Variants in GPR107 observed in about 807,000 individuals in gnomAD.
GPR107 encodes protein GPR107.
In GPR107, 31 loss-of-function variants were observed where a neutral mutation model predicts 75.5. The observed-to-expected ratio is 0.41, with a 90% CI of 0.31 to 0.55. The LOEUF is 0.55. GPR107 is among the 20% of genes least tolerant of loss of function. The probability of loss-of-function intolerance (pLI) is 0.26; values close to 1 mark genes in which losing one functional copy is unlikely to be tolerated. For missense variants in GPR107, 572 were observed against 665.7 expected, an observed-to-expected ratio of 0.86 and a Z score of 1.55; for synonymous variants, 267 against 251.3, an observed-to-expected ratio of 1.06 and a Z score of -0.59.
intron 13 of GPR107, among the ~76,000 whole-genome samples, chr9:130,107,140 G>C (rs1274269645): frequency 6.6e-6 from 1 of 152,132 alleles, no homozygotes; most frequent in African/African-American, 2.4e-5. Flanking sequence ...ATTCTCTCCT[G>C]GTGGCAGGTG....
rs1830329281 is a variant in GPR107 at position 130,075,737 on chromosome 9, CAAGGATGTGACTGT to C, written c.247_255+5del. The C allele has an allele frequency of 6.7e-7, 1 of 1,503,228 alleles. No individual in the cohort carries two copies. Among genetic ancestry groups the C allele is most frequent in the African/African-American group, 1.4e-5 (1 of 72,556 alleles). 93.1% of individuals were successfully genotyped at this position (1,503,228 alleles called of 1,614,324 possible). A position where few individuals can be genotyped will look rare whatever the true frequency, so the allele number is the denominator to read the frequency against. On this transcript the variant is annotated splice_donor_variant and coding_sequence_variant, in exon 2 of 18. Coordinates refer to ENST00000347136, the MANE Select transcript of GPR107 (RefSeq NM_020960.5). LOFTEE classifies it high-confidence loss of function. ...GCCTCTCACTGAATGAGCCTGAAGACAAGGATGTGACTGTAAGTACCTTTTAATGAGATCCAGGG... is the reference window on the plus strand; with the variant it reads ...GCCTCTCACTGAATGAGCCTGAAGACAAGTACCTTTTAATGAGATCCAGGG...
intron 7 of GPR107, among the ~76,000 whole-genome samples, chr9:130,089,329 G>A (rs189044846): frequency 3.9e-5 from 6 of 152,274 alleles, no homozygotes; most frequent in Admixed American, 2.6e-4. Context: ...CAGCCCATCC[G>A]CAGGGTTCTT....
chr9:130,112,340 T>TC lies in GPR107; in HGVS notation c.1306+4803dup, dbSNP rs1341296084. 6.6e-6 allele frequency among the ~76,000 whole-genome samples: 1 copy of TC among 151,898 alleles called. No homozygotes were observed. Among genetic ancestry groups the TC allele is most frequent in the Non-Finnish European group, 1.5e-5 (1 of 68,000 alleles). ...GTTAGGGCAGCGGTTCTCAAGGGGG[T>TC]CCTCGGGATCAAAACTATTTTCATA... On this transcript the variant is annotated intron_variant, in intron 14 of 17. Transcript: ENST00000347136. The surrounding 1 kb of genome is among the most constrained non-coding windows in gnomAD (Gnocchi z 4.0).
intron 14 of GPR107, among the ~76,000 whole-genome samples, chr9:130,118,253 C>T (rs1390632226): frequency 2.6e-5 from 4 of 152,192 alleles, no homozygotes; most frequent in African/African-American, 9.7e-5. Flanking sequence ...CAGTTGATGG[C>T]AACGACCAGT....
chr9:130,112,007 G>T lies in GPR107; in HGVS notation c.1306+4468G>T, dbSNP rs1831317145. On this transcript the variant is annotated intron_variant, in intron 14 of 17. Transcript: ENST00000347136. This position sits in a 1 kb window ranked among gnomAD's most constrained non-coding sequence, Gnocchi z 4.0. ...TCTGTCTCGCCTGCTAAGATTTACTGGCTCTGACTGCCCTTGAGCCCGCAT... is the reference window on the plus strand; with the variant it reads ...TCTGTCTCGCCTGCTAAGATTTACTTGCTCTGACTGCCCTTGAGCCCGCAT... Among the ~76,000 whole-genome samples, 1 of 152,076 alleles carries T rather than the reference G, an allele frequency of 6.6e-6. No individual in the cohort carries two copies. Among genetic ancestry groups the T allele is most frequent in the African/African-American group, 2.4e-5 (1 of 41,394 alleles).
At chr9:130,096,897 G>A (rs1830887559) in intron 9 of GPR107, among the ~76,000 whole-genome samples, 1 of 152,174 alleles carries the variant, frequency 6.6e-6, no homozygotes, top group African/African-American at 2.4e-5. Context: ...CTAGCCATGT[G>A]GCTGAGTGTG....
rs575103799 is a variant in GPR107 at position 130,136,547 on chromosome 9, G to A, written c.*1426G>A. On this transcript the variant is annotated 3_prime_UTR_variant, in exon 18 of 18. Coordinates refer to ENST00000347136, the MANE Select transcript of GPR107 (RefSeq NM_020960.5). Reference sequence around the variant, plus strand: ...ACAGGTACCTCCGAGGGTGAGAGTCGTGGTCTCTGGGAGTTGTTTTCTCAC... The same window carrying A: ...ACAGGTACCTCCGAGGGTGAGAGTCATGGTCTCTGGGAGTTGTTTTCTCAC... The A allele has an allele frequency of 1.3e-5, 2 of 152,286 alleles. No homozygotes were observed. The highest frequency in any genetic ancestry group is 4.8e-5 in the African/African-American group (2 of 41,558). The allele number at this position is 152,286 out of a possible 1,614,324, so 9.4% of individuals were successfully genotyped here. A position where few individuals can be genotyped will look rare whatever the true frequency, so the allele number is the denominator to read the frequency against.
Position 130,127,540 on chromosome 9 carries a change from C to G in GPR107, c.1414C>G (p.Pro472Ala), listed in dbSNP as rs776706442. Residue 472 changes from proline (P) to alanine (A), a missense_variant, in exon 16 of 18, where the codon CCA becomes GCA. Transcript: ENST00000347136. ...TGCATTTCTCCTCAAACTCGCTGTT[C>G]CATTCCAGTGGAAGTGGCTCTACCA... ...IIAFLLKLAV[P>A]FQWKWLYQLL... is the part of the protein sequence containing the mutation. 5 of 1,598,960 alleles carry G rather than the reference C, an allele frequency of 3.1e-6. No individual in the cohort carries two copies. Among genetic ancestry groups the G allele is most frequent in the Non-Finnish European group, 4.3e-6 (5 of 1,166,120 alleles).
At chr9:130,133,536 C>T (rs1285759154) in intron 17 of GPR107, among the ~76,000 whole-genome samples, 2 of 152,144 alleles carry the variant, frequency 1.3e-5, no homozygotes, top group African/African-American at 4.8e-5. Flanking sequence ...ATGCAAAGGC[C>T]CTACCTCCTG....
chr9:130,073,976 C>T (rs903287635), intron 1 of GPR107, among the ~76,000 whole-genome samples: 2 of 152,126 alleles, frequency 1.3e-5, no homozygotes, highest in Admixed American at 6.6e-5. Context: ...AGGCTGGTCT[C>T]GAACTCCTGA....
At chr9:130,130,254 C>T (rs112858292) in intron 17 of GPR107, among the ~76,000 whole-genome samples, 13 of 152,214 alleles carry the variant, frequency 8.5e-5, no homozygotes, top group Non-Finnish European at 1.8e-4. Context: ...TAAAAAGTAT[C>T]GGATGCGATT....
chr9:130,096,549 A>C (rs1465027153), intron 9 of GPR107, among the ~76,000 whole-genome samples: 1 of 148,216 alleles, frequency 6.7e-6, no homozygotes, highest in Non-Finnish European at 1.5e-5. Flanking sequence ...GCTCACTGCA[A>C]CCTCCGCCTC....
intron 14 of GPR107, among the ~76,000 whole-genome samples, chr9:130,109,218 TAGAATGC>T (rs1831235645): frequency 6.6e-6 from 1 of 152,114 alleles, no homozygotes; most frequent in South Asian, 2.1e-4. Flanking sequence ...TCACCCAAGC[TAGAATGC>T]AGTGGCACGA....
At chr9:130,084,441 A>G (rs527937614) in intron 6 of GPR107, among the ~76,000 whole-genome samples, 17 of 146,908 alleles carry the variant, frequency 1.2e-4, no homozygotes, top group African/African-American at 4.5e-4. Flanking sequence ...ATTGTCTCCT[A>G]TTTTGGGGGA....
chr9:130,102,444 G>A (rs1027188917), intron 12 of GPR107, among the ~76,000 whole-genome samples: 6 of 152,174 alleles, frequency 3.9e-5, no homozygotes, highest in Non-Finnish European at 8.8e-5. Context: ...CAGGAAGCCC[G>A]TCCTGGGCTT....
At chr9:130,116,509 TGG>T (rs1371088912) in intron 14 of GPR107, among the ~76,000 whole-genome samples, 1 of 152,136 alleles carries the variant, frequency 6.6e-6, no homozygotes, top group African/African-American at 2.4e-5. Flanking sequence ...CAGGAGGGGT[TGG>T]GGGTAATGTG....
chr9:130,124,607 C>T (rs891743183), intron 14 of GPR107, among the ~76,000 whole-genome samples: 2 of 152,150 alleles, frequency 1.3e-5, no homozygotes, highest in Non-Finnish European at 1.5e-5. Context: ...GTAGCATCTG[C>T]CAATTCCTGT....
chr9:130,090,087 C>A (rs1158030469), intron 7 of GPR107, among the ~76,000 whole-genome samples: 1 of 152,084 alleles, frequency 6.6e-6, no homozygotes, highest in East Asian at 1.9e-4. Flanking sequence ...TAGTCACTTC[C>A]TAGCTTTTCT....
At chr9:130,094,684 T>G (rs1830822450) in intron 9 of GPR107, among the ~76,000 whole-genome samples, 1 of 151,958 alleles carries the variant, frequency 6.6e-6, no homozygotes, top group East Asian at 1.9e-4. Context: ...TGTTTTTGTT[T>G]TTTTTTGTTT....
Sources: allele counts gnomAD v4.1 joint callset (sites outside exome capture counted in the v4.1 genomes callset), GRCh38; gene constraint gnomAD v4.1.1; non-coding constraint Gnocchi (gnomAD v3.1); transcripts MANE v1.5; gene names NCBI Gene and HGNC (gene_info 2026-07-23, HGNC 2026-07-21).